The following TSPAN1 variants were observed in gnomAD, a reference collection of about 807,000 sequenced individuals.
The protein encoded by TSPAN1 is tetraspanin-1.
Under a neutral mutation model 26.9 loss-of-function variants are expected in TSPAN1, and 23 were observed. The observed-to-expected ratio is 0.85, with a 90% CI of 0.62 to 1.21. The LOEUF (loss-of-function observed/expected upper bound fraction) is 1.21, where lower values mean the gene tolerates loss of function less well. Among genes scored for constraint, TSPAN1 ranks in the 50% most tolerant of loss-of-function variants. The probability of loss-of-function intolerance (pLI) is 0.00; values close to 1 mark genes in which losing one functional copy is unlikely to be tolerated. For synonymous variants in TSPAN1, 115 were observed against 114.8 expected (o/e 1.00, Z -0.01); for missense variants, 283 against 298.4 (o/e 0.95, Z 0.38).
chr1:46,184,444 C>G, intron 4 of TSPAN1, 47 bp downstream of exon 4: 1 of 1,612,218 alleles, frequency 6.2e-7, no homozygotes, highest in Middle Eastern at 1.7e-4. Context: ...AGTCCCCTCG[C>G]CCTTGACACC....
Position 46,177,348 on chromosome 1 carries a change from A to T in TSPAN1, c.-142+1939A>T, listed in dbSNP as rs200226928. 4.3e-3 allele frequency among the ~76,000 whole-genome samples: 430 copies of T among 100,040 alleles called. 1 individual carries two copies. Among genetic ancestry groups the T allele is most frequent in the Middle Eastern group, 9.2e-3 (2 of 218 alleles). The allele number at this position is 100,040 out of a possible 152,430, so 65.6% of individuals were successfully genotyped here. On this transcript the variant is annotated intron_variant, in intron 1 of 8. Transcript: ENST00000372003. ...GAAACTCTGTCTCAAAAAAAAAAAA[A>T]ATATATCTATCTATCTATCTATCTA...
the TSPAN1 span, chr1:46,191,048 C>T: frequency 6.8e-5 from 30 of 440,804 alleles, no homozygotes; most frequent in Admixed American, 3.7e-4. Flanking sequence ...ACTAGCAGTC[C>T]CTGCCTCTTG....
the TSPAN1 span, chr1:46,194,302 G>A: frequency 6.2e-7 from 1 of 1,614,184 alleles, no homozygotes; most frequent in Middle Eastern, 1.6e-4. Flanking sequence ...GATGGGTGTG[G>A]GGTCCTTGCA....
intron 1 of TSPAN1, among the ~76,000 whole-genome samples, chr1:46,178,996 T>G (rs1368899150): frequency 6.6e-6 from 1 of 152,174 alleles, no homozygotes; most frequent in African/African-American, 2.4e-5. Context: ...TCTCTTCAGC[T>G]GCCTCCTTTC....
At chr1:46,194,913 T>G in the TSPAN1 span, 3 of 1,613,994 alleles carry the variant, frequency 1.9e-6, no homozygotes, top group Non-Finnish European at 1.7e-6. Flanking sequence ...CTGCCCAGGC[T>G]CCTCAGCAGA....
At chr1:46,190,638 G>T (rs1657691034), downstream of TSPAN1, 3 of 1,534,898 alleles carry the variant, frequency 2.0e-6, no homozygotes, top group South Asian at 3.4e-5. Context: ...TAAACACACA[G>T]GCCCAGCATT....
chr1:46,190,775 A>G, downstream of TSPAN1: 1 of 1,613,400 alleles, frequency 6.2e-7, no homozygotes, highest in Non-Finnish European at 8.5e-7. Context: ...TGCTTCTTGA[A>G]GTAGGCCTCC....
chr1:46,188,849 G>C (rs1274443629), downstream of TSPAN1: 2 of 1,612,920 alleles, frequency 1.2e-6, no homozygotes, highest in Non-Finnish European at 1.7e-6. Flanking sequence ...GGGCACAGCA[G>C]TTTCCTGAGT....
chr1:46,188,740 G>A (rs1267842600), downstream of TSPAN1: 1 of 1,609,334 alleles, frequency 6.2e-7, no homozygotes, highest in East Asian at 2.2e-5. Context: ...TGGAAATCTG[G>A]ACAAAGAGAA....
intron 3 of TSPAN1, among the ~76,000 whole-genome samples, chr1:46,182,317 A>AAAAAAAAAAAAAAAAAAC (rs1657332418): frequency 6.8e-6 from 1 of 146,102 alleles, no homozygotes; most frequent in African/African-American, 2.5e-5. Flanking sequence ...AAAAAAAAAA[A>AAAAAAAAAAAAAAAAAAC]GCCACTGTGA....
the TSPAN1 span, chr1:46,194,965 G>C: frequency 3.7e-6 from 6 of 1,613,982 alleles, no homozygotes; most frequent in Non-Finnish European, 5.1e-6. Context: ...CCTCATCCTG[G>C]GGGACCAGAG....
At chr1:46,193,813 C>T in the TSPAN1 span, 12 of 1,612,166 alleles carry the variant, frequency 7.4e-6, no homozygotes, top group Non-Finnish European at 1.0e-5. Flanking sequence ...GACCTAAGCA[C>T]CCTCCTGTTC....
At chr1:46,183,618 A>G in intron 3 of TSPAN1, 1 of 168,440 alleles carries the variant, frequency 5.9e-6, no homozygotes, top group South Asian at 1.4e-4. Flanking sequence ...TGAGGCAAGG[A>G]GGTCTTGTCT....
chr1:46,192,645 A>G, the TSPAN1 span: 21 of 1,608,544 alleles, frequency 1.3e-5, no homozygotes, highest in Non-Finnish European at 1.8e-5. Flanking sequence ...ATCTAGTCAC[A>G]CAGAGATGCT....
rs771519054 is a variant in TSPAN1, at chr1:46,184,949, C to G, written c.439-11C>G. ...AGCAAGGCCCCACCTCCACCCTCAT[C>G]TTGTCTCCAGCTCAAGTGCTGTGGC... On this transcript the variant is annotated splice_polypyrimidine_tract_variant and intron_variant, in intron 6 of 8. Coordinates refer to ENST00000372003, the MANE Select transcript of TSPAN1 (RefSeq NM_005727.4). 3 of 1,614,090 alleles carry G rather than the reference C, an allele frequency of 1.9e-6. No homozygotes were observed. Among genetic ancestry groups the G allele is most frequent in the Non-Finnish European group, 2.5e-6 (3 of 1,180,044 alleles).
intron 1 of TSPAN1, among the ~76,000 whole-genome samples, chr1:46,176,020 G>C (rs888108053): frequency 2.6e-5 from 4 of 152,148 alleles, no homozygotes; most frequent in Non-Finnish European, 5.9e-5. Flanking sequence ...CTAAAGGCGT[G>C]TGCCACCACG....
the TSPAN1 span, chr1:46,193,564 C>T: frequency 6.2e-7 from 1 of 1,614,192 alleles, no homozygotes; most frequent in South Asian, 1.1e-5. Flanking sequence ...TCCTGCTCAC[C>T]TCATAGTAGC....
the TSPAN1 span, chr1:46,193,149 CA>C: frequency 6.2e-7 from 1 of 1,614,056 alleles, no homozygotes; most frequent in African/African-American, 1.3e-5. Context: ...CTCCCAGGCC[CA>C]AGAGTTGTAT....
At chr1:46,189,806 G>A (rs1202844704), downstream of TSPAN1, 2 of 1,611,694 alleles carry the variant, frequency 1.2e-6, no homozygotes, top group Non-Finnish European at 1.7e-6. Context: ...GGGGCAGTAT[G>A]TGTGTGAGGG....
Sources: allele counts gnomAD v4.1 joint callset (sites outside exome capture counted in the v4.1 genomes callset), GRCh38; gene constraint gnomAD v4.1.1; transcripts MANE v1.5; gene names NCBI Gene and HGNC (gene_info 2026-07-23, HGNC 2026-07-21).